Variants in NOL7 observed in about 807,000 individuals in gnomAD.
NOL7 encodes the protein U3 small nucleolar RNA-associated protein NOL7.
Under a neutral mutation model 38.4 loss-of-function variants are expected in NOL7, and 36 were observed. The observed-to-expected ratio is 0.94, with a 90% CI of 0.72 to 1.24. The LOEUF (loss-of-function observed/expected upper bound fraction) is 1.24. Ranked by LOEUF, NOL7 falls within the 50% of genes most tolerant of loss-of-function variation. The probability of loss-of-function intolerance (pLI) is 0.00; values close to 1 mark genes in which losing one functional copy is unlikely to be tolerated. For missense variants in NOL7, 350 were observed against 315.1 expected, an observed-to-expected ratio of 1.11 and a Z score of -0.84; for synonymous variants, 142 against 126.5, an observed-to-expected ratio of 1.12 and a Z score of -0.82.
At chr6:13,632,319 A>C in intron 8 of NOL7, 1 of 1,565,990 alleles carries the variant, frequency 6.4e-7, no homozygotes, top group Non-Finnish European at 8.7e-7. Flanking sequence ...ACAAAACTAC[A>C]TTTTAGTTCC....
Position 13,617,807 on chromosome 6 carries a change from A to T in NOL7, c.418+6A>T. 1 of 1,612,866 alleles carries T rather than the reference A, an allele frequency of 6.2e-7. No homozygotes were observed. The highest frequency in any genetic ancestry group is 8.5e-7 in the Non-Finnish European group (1 of 1,178,826). ...GCCAGGAAAGGTGAAAGAAGGTATG[A>T]CTATTCTAATTTAACTAACTTCTCA... On this transcript the variant is annotated splice_donor_region_variant and intron_variant, in intron 4 of 7. Transcript: ENST00000451315.
At chr6:13,626,725 A>C (rs866157200) in intron 8 of NOL7, among the ~76,000 whole-genome samples, 1 of 152,068 alleles carries the variant, frequency 6.6e-6, no homozygotes, top group Non-Finnish European at 1.5e-5. Flanking sequence ...CAGGAACACA[A>C]CACTTTGAAA....
chr6:13,618,714 A>G (rs1370337549), intron 5 of NOL7, among the ~76,000 whole-genome samples: 3 of 152,034 alleles, frequency 2.0e-5, no homozygotes, highest in South Asian at 4.1e-4. Context: ...ACATGGTAAA[A>G]CCCAGTCTCT....
chr6:13,625,654 T>C (rs1290228720), downstream of NOL7: 1 of 1,594,136 alleles, frequency 6.3e-7, no homozygotes, highest in Middle Eastern at 1.7e-4. Context: ...TTTACTTACC[T>C]AATATTGCAC....
rs745492028 is a variant in NOL7, at chr6:13,615,606, T to G, written c.248T>G (p.Val83Gly). The change falls in exon 1 of 8, where the codon GTG becomes GGG. Residue 83 changes from valine to glycine, a missense_variant. Coordinates refer to ENST00000451315, the MANE Select transcript of NOL7 (RefSeq NM_016167.5). ...QAEAREEERRVRETVRRDKTL... is the reference protein window; with the variant it reads ...QAEAREEERRGRETVRRDKTL... The stretch of plus-strand genomic sequence containing the variant: ...GAAGCGAGAGAAGAGGAGCGGCGAG[T>G]GCGGGAGACCGTGCGCAGGTTCGGA... 83 of 1,591,358 alleles carry G rather than the reference T, an allele frequency of 5.2e-5. No individual in the cohort carries two copies. The highest frequency in any genetic ancestry group is 6.9e-5 in the Non-Finnish European group (81 of 1,167,706).
intron 8 of NOL7, among the ~76,000 whole-genome samples, chr6:13,630,446 C>T (rs1380135193): frequency 1.3e-5 from 2 of 151,572 alleles, no homozygotes; most frequent in Non-Finnish European, 2.9e-5. Flanking sequence ...TTTCATCCTG[C>T]TCAATTAGCA....
chr6:13,628,868 T>G (rs1355460345), intron 8 of NOL7, among the ~76,000 whole-genome samples: 2 of 152,254 alleles, frequency 1.3e-5, no homozygotes, highest in African/African-American at 4.8e-5. Context: ...CCTTCATTAC[T>G]GCTGGTAAAA....
downstream of NOL7, among the ~76,000 whole-genome samples, chr6:13,626,712 G>A (rs1324152484): frequency 6.6e-6 from 1 of 152,168 alleles, no homozygotes; most frequent in African/African-American, 2.4e-5. Flanking sequence ...CAATTTGTGA[G>A]TTCAGGAACA....
chr6:13,628,030 A>C (rs1306542799), intron 8 of NOL7, among the ~76,000 whole-genome samples: 1 of 152,236 alleles, frequency 6.6e-6, no homozygotes, highest in Non-Finnish European at 1.5e-5. Context: ...AAGTTCTTTA[A>C]AATGACAACA....
Position 13,620,243 on chromosome 6 carries a change from A to G in NOL7, c.536A>G (p.Asp179Gly), listed in dbSNP as rs1399968605. The G allele has an allele frequency of 6.2e-7, 1 of 1,614,172 alleles. No individual in the cohort carries two copies. Among genetic ancestry groups the G allele is most frequent in the Non-Finnish European group, 8.5e-7 (1 of 1,180,014 alleles). The change falls in exon 6 of 8, where the codon GAC becomes GGC. Residue 179 changes from aspartate (D) to glycine (G), a missense_variant. Asp to Gly is a moderately conservative substitution (Grantham distance 94). Coordinates refer to ENST00000451315, the MANE Select transcript of NOL7 (RefSeq NM_016167.5). ...NKSYLAVRLKDQDLRDSRQQA... is the reference protein window; with the variant it reads ...NKSYLAVRLKGQDLRDSRQQA... Reference sequence around the variant, plus strand: ...AGCTACTTGGCCGTAAGGCTAAAAGACCAAGATCTGAGAGATTCAAGGCAA... The same window carrying G: ...AGCTACTTGGCCGTAAGGCTAAAAGGCCAAGATCTGAGAGATTCAAGGCAA...
At chr6:13,618,983 G>C (rs1459544508) in intron 5 of NOL7, among the ~76,000 whole-genome samples, 1 of 152,152 alleles carries the variant, frequency 6.6e-6, no homozygotes, top group Non-Finnish European at 1.5e-5. Context: ...CTTTTTTTTA[G>C]TGGTTTTATT....
rs367939928 is a variant in NOL7 at position 13,620,537 on chromosome 6, T to C, written c.700+52T>C. On this transcript the variant is annotated intron_variant, in intron 7 of 7. Transcript: ENST00000451315. Reference sequence around the variant, plus strand: ...TCTAATAGCTTTATATGTTGAATAATGTTCTTTTGAAGGAGATAGTTCATA... The same window carrying C: ...TCTAATAGCTTTATATGTTGAATAACGTTCTTTTGAAGGAGATAGTTCATA... The C allele has an allele frequency of 4.4e-5, 66 of 1,516,438 alleles. No individual in the cohort carries two copies. The African/African-American group carries it at 8.8e-4, about 20-fold the overall frequency. The allele number at this position is 1,516,438 out of a possible 1,614,324, so 93.9% of individuals were successfully genotyped here.
rs986846544 is a variant in NOL7, at chr6:13,618,549, G to A, written c.500+410G>A. ...GGCGTGAGCCACCGCGCCCGGCCGG[G>A]AAAATATTTTAATTAGTAGTAATTT... On this transcript the variant is annotated intron_variant, in intron 5 of 7. Coordinates refer to ENST00000451315, the MANE Select transcript of NOL7 (RefSeq NM_016167.5). Among the ~76,000 whole-genome samples the A allele has an allele frequency of 3.3e-5, 5 of 152,274 alleles. No homozygotes were observed. In the South Asian group the frequency reaches 6.2e-4, roughly 19 times the overall value.
rs1554221305 is a variant in NOL7, at chr6:13,629,921, C to CTCGTGT, written n.574-2472_574-2471insTCGTGT. Among the ~76,000 whole-genome samples the CTCGTGT allele has an allele frequency of 6.1e-3, 786 of 128,410 alleles. 33 individuals are homozygous for CTCGTGT. The East Asian group carries it at 0.093, about 15-fold the overall frequency. The allele number at this position is 128,410 out of a possible 152,430, so 84.2% of individuals were successfully genotyped here. A position where few individuals can be genotyped will look rare whatever the true frequency, so the allele number is the denominator to read the frequency against. ...TCTCTCTCTCTCTCTCTCTCTCTCT[C>CTCGTGT]GTGTGTGTGTGTGTGTGTGTGTATT... On this transcript the variant is annotated intron_variant and non_coding_transcript_variant, in intron 8 of 8. Coordinates refer to the NOL7 transcript ENST00000474485.
chr6:13,621,800 G>GT (rs1317131070), downstream of NOL7: 1 of 152,646 alleles, frequency 6.6e-6, no homozygotes, highest in African/African-American at 2.4e-5. Flanking sequence ...GGTCGGGATT[G>GT]TAAGTAGCAA....
At chr6:13,615,670 C>T in intron 1 of NOL7, 42 bp from the exon 2 acceptor site, 2 of 1,613,932 alleles carry the variant, frequency 1.2e-6, no homozygotes, top group Non-Finnish European at 1.7e-6. Flanking sequence ...TTTCTCGTCC[C>T]GCTTGTCCTT....
chr6:13,622,459 G>C (rs761712743), downstream of NOL7: 5 of 1,594,036 alleles, frequency 3.1e-6, no homozygotes, highest in South Asian at 5.7e-5. Context: ...CATTGCTAGG[G>C]CAAGTGGAGG....
chr6:13,626,668 G>C (rs1043919093), downstream of NOL7, among the ~76,000 whole-genome samples: 4 of 152,146 alleles, frequency 2.6e-5, no homozygotes, highest in Non-Finnish European at 5.9e-5. Context: ...TACCAATTTG[G>C]AAGGCAGACA....
At position 13,618,215 on chromosome 6, in the gene NOL7, ATATTT is replaced by A. The variant is rs550357639; in HGVS notation, c.500+98_500+102del. On this transcript the variant is annotated intron_variant, in intron 5 of 7. Coordinates refer to ENST00000451315, the MANE Select transcript of NOL7 (RefSeq NM_016167.5). ...TTAAAGTATTGGCTAACATGGGAAA[ATATTT>A]TATTTTATTTTATTTTATTTTTATT... 300 of 509,298 alleles carry A rather than the reference ATATTT, an allele frequency of 5.9e-4. 1 individual carries two copies. The highest frequency in any genetic ancestry group is 1.9e-3 in the East Asian group (55 of 28,684). 31.5% of individuals were successfully genotyped at this position (509,298 alleles called of 1,614,324 possible). A position where few individuals can be genotyped will look rare whatever the true frequency, so the allele number is the denominator to read the frequency against.
Sources: gnomAD v4.1 joint callset for allele counts (sites outside exome capture counted in the v4.1 genomes callset) on GRCh38, gnomAD v4.1.1 for gene constraint, MANE v1.5 for transcripts, NCBI Gene and HGNC (gene_info 2026-07-23, HGNC 2026-07-21) for gene names.